RAG1: variants seen among roughly 807,000 people sequenced by gnomAD.
RAG1 encodes V(D)J recombination-activating protein 1.
A neutral mutation model predicts 62.7 loss-of-function variants in RAG1; 35 were observed. The observed-to-expected ratio is 0.56, with a 90% CI of 0.43 to 0.74. The LOEUF (loss-of-function observed/expected upper bound fraction) is 0.74. Among genes scored for constraint, RAG1 ranks in the 30% least tolerant of loss-of-function variants. RAG1 has a pLI of 0.00. For synonymous variants in RAG1, 461 were observed against 470.3 expected, an observed-to-expected ratio of 0.98 and a Z score of 0.26; for missense variants, 1,169 against 1,278.6, an observed-to-expected ratio of 0.91 and a Z score of 1.31.
intron 2 of RAG1, among the ~76,000 whole-genome samples, chr11:36,520,849 C>T (rs1346913654): frequency 6.6e-6 from 1 of 152,056 alleles, no homozygotes; most frequent in African/African-American, 2.4e-5. Context: ...TCCTACTTCC[C>T]TTTCTCCAGT....
intron 3 of RAG1, among the ~76,000 whole-genome samples, chr11:36,550,881 G>A (rs149209626): frequency 6.6e-6 from 1 of 152,068 alleles, no homozygotes; most frequent in African/African-American, 2.4e-5. Context: ...GCCTACTTGG[G>A]TCATGTGACT....
rs530182678 is a variant in RAG1 at position 36,511,545 on chromosome 11, T to G, written n.330+507T>G. 9.2e-5 allele frequency among the ~76,000 whole-genome samples: 14 copies of G among 152,346 alleles called. No individual in the cohort carries two copies. In the South Asian group the frequency reaches 1.7e-3, roughly 18 times the overall value. ...AATACTATATGTCCTACTTTCTGGCTGCCAATATTCATTAAAAATGCTTCT... is the reference window on the plus strand; with the variant it reads ...AATACTATATGTCCTACTTTCTGGCGGCCAATATTCATTAAAAATGCTTCT... On this transcript the variant is annotated intron_variant and non_coding_transcript_variant, in intron 1 of 2. Coordinates refer to the RAG1 transcript ENST00000529126.
At chr11:36,530,340 T>C (rs944335790) in intron 2 of RAG1, among the ~76,000 whole-genome samples, 4 of 151,746 alleles carry the variant, frequency 2.6e-5, no homozygotes, top group African/African-American at 9.7e-5. Flanking sequence ...TCTGCTCCTC[T>C]TTTTATTACT....
intron 2 of RAG1, among the ~76,000 whole-genome samples, chr11:36,533,302 G>C (rs1860281976): frequency 6.6e-6 from 1 of 152,146 alleles, no homozygotes; most frequent in African/African-American, 2.4e-5. Context: ...CAACTTTCCT[G>C]AGCCTTGCGA....
intron 2 of RAG1, among the ~76,000 whole-genome samples, chr11:36,529,852 GT>G (rs550811228): frequency 2.3e-4 from 34 of 148,302 alleles, no homozygotes; most frequent in African/African-American, 5.4e-4. Flanking sequence ...ATTGGGAATG[GT>G]TTTTTTTTTC....
downstream of RAG1, among the ~76,000 whole-genome samples, chr11:36,537,679 G>A (rs1409740058): frequency 1.3e-5 from 2 of 152,058 alleles, no homozygotes; most frequent in East Asian, 1.9e-4. Flanking sequence ...TTATCTTTAT[G>A]AGAGTATGGT....
At chr11:36,520,810 A>G (rs1860067845) in intron 2 of RAG1, among the ~76,000 whole-genome samples, 1 of 152,160 alleles carries the variant, frequency 6.6e-6, no homozygotes, top group Non-Finnish European at 1.5e-5. Context: ...GCTATTGGTT[A>G]TGGAGGCTGC....
At chr11:36,531,273 A>G (rs1414343383) in intron 2 of RAG1, among the ~76,000 whole-genome samples, 2 of 151,866 alleles carry the variant, frequency 1.3e-5, no homozygotes, top group African/African-American at 4.8e-5. Flanking sequence ...ATGTTTTTTA[A>G]TCCACTTTGT....
intron 2 of RAG1, among the ~76,000 whole-genome samples, chr11:36,531,973 C>CA (rs1351586812): frequency 6.6e-6 from 1 of 151,906 alleles, no homozygotes; most frequent in African/African-American, 2.4e-5. Flanking sequence ...TTTTTATCCA[C>CA]AAAATACCTT....
upstream of RAG1, among the ~76,000 whole-genome samples, chr11:36,564,029 G>C (rs1850627015): frequency 6.6e-6 from 1 of 152,254 alleles, no homozygotes; most frequent in African/African-American, 2.4e-5. Context: ...GCAAAACAAT[G>C]CCTTACTATT....
intron 2 of RAG1, among the ~76,000 whole-genome samples, chr11:36,522,401 G>A (rs1190982012): frequency 6.6e-6 from 1 of 152,246 alleles, no homozygotes; most frequent in East Asian, 1.9e-4. Context: ...CTTCCATGTG[G>A]TGTTGAGCCT....
intron 3 of RAG1, among the ~76,000 whole-genome samples, chr11:36,557,378 G>A (rs2133276964): frequency 7.8e-6 from 1 of 127,952 alleles, no homozygotes; most frequent in African/African-American, 3.4e-5. Flanking sequence ...GATTTTCCAG[G>A]TGCGTCCGTC....
rs896061872 is a variant in RAG1 at position 36,579,551 on chromosome 11, T to C, written c.*3115T>C. The stretch of plus-strand genomic sequence containing the variant: ...GTTTAATGGCTTCCAAGAGCCTTTT[T>C]TTTTTTTGTATTTCAGAGAAAATTC... On this transcript the variant is annotated 3_prime_UTR_variant, in exon 2 of 2. Coordinates refer to ENST00000299440, the MANE Select transcript of RAG1 (RefSeq NM_000448.3). 3.0e-5 allele frequency: 5 copies of C among 166,956 alleles called. No homozygotes were observed. Among genetic ancestry groups the C allele is most frequent in the South Asian group, 2.1e-4 (1 of 4,830 alleles). The allele number at this position is 166,956 out of a possible 1,614,324, so 10.3% of individuals were successfully genotyped here.
intron 3 of RAG1, among the ~76,000 whole-genome samples, chr11:36,561,211 G>C (rs1850579791): frequency 6.6e-6 from 1 of 152,176 alleles, no homozygotes; most frequent in Non-Finnish European, 1.5e-5. Flanking sequence ...GGATTTTCTT[G>C]GGGCTTCTTT....
At chr11:36,551,565 G>A (rs1322570372) in intron 3 of RAG1, among the ~76,000 whole-genome samples, 2 of 150,360 alleles carry the variant, frequency 1.3e-5, no homozygotes, top group Non-Finnish European at 3.0e-5. Context: ...ATTGAATTAG[G>A]GCTCACCTAA....
chr11:36,514,283 T>C (rs1859965894), intron 1 of RAG1, among the ~76,000 whole-genome samples: 1 of 152,112 alleles, frequency 6.6e-6, no homozygotes, highest in Admixed American at 6.5e-5. Context: ...ATATAATAAA[T>C]GTTGTCTTAA....
rs1485075006 is a variant in RAG1 at position 36,576,900 on chromosome 11, A to C, written c.*464A>C. On this transcript the variant is annotated 3_prime_UTR_variant, in exon 2 of 2. Coordinates refer to ENST00000299440, the MANE Select transcript of RAG1 (RefSeq NM_000448.3). ...CATTTTTGAATAATTCTTCATTTTTATAATTTTACATATCTTGGCTTGCTA... is the reference window on the plus strand; with the variant it reads ...CATTTTTGAATAATTCTTCATTTTTCTAATTTTACATATCTTGGCTTGCTA... 3 of 182,560 alleles carry C rather than the reference A, an allele frequency of 1.6e-5. No individual in the cohort carries two copies. Among genetic ancestry groups the C allele is most frequent in the African/African-American group, 7.2e-5 (3 of 41,572 alleles). 11.3% of individuals were successfully genotyped at this position (182,560 alleles called of 1,614,324 possible).
rs765020808 is a variant in RAG1, at chr11:36,575,985, C to A, written c.2681C>A (p.Pro894Gln). 6.2e-7 allele frequency: 1 copy of A among 1,614,190 alleles called. No homozygotes were observed. Among genetic ancestry groups the A allele is most frequent in the Non-Finnish European group, 8.5e-7 (1 of 1,180,036 alleles). The change falls in exon 2 of 2, where the codon CCA becomes CAA. Residue 894 changes from proline to glutamine, a missense_variant. Coordinates refer to ENST00000299440, the MANE Select transcript of RAG1 (RefSeq NM_000448.3). This position sits in a 1 kb window ranked among gnomAD's most constrained non-coding sequence, Gnocchi z 4.1. The stretch of plus-strand genomic sequence containing the variant: ...ATGGATCTTTACCTGAAGATGAAAC[C>A]AGTATGGCGATCATCATGCCCTGCT... The part of the protein sequence containing the change: ...ELMDLYLKMK[P>Q]VWRSSCPAKE...
chr11:36,526,649 A>T (rs890123158), intron 2 of RAG1, among the ~76,000 whole-genome samples: 1 of 152,210 alleles, frequency 6.6e-6, no homozygotes, highest in African/African-American at 2.4e-5. Context: ...TCCTGGAGGA[A>T]TTGCCACACT....
Sources: gnomAD v4.1 joint callset for allele counts (sites outside exome capture counted in the v4.1 genomes callset) on GRCh38, gnomAD v4.1.1 for gene constraint, Gnocchi (gnomAD v3.1) non-coding constraint, MANE v1.5 for transcripts, NCBI Gene and HGNC (gene_info 2026-07-23, HGNC 2026-07-21) for gene names.